EXOC4: variants seen among roughly 807,000 people sequenced by gnomAD.
The protein encoded by EXOC4 is exocyst complex component 4, also known as SEC8-like 1.
Under a neutral mutation model 107.2 loss-of-function variants are expected in EXOC4, and 71 were observed. That is an observed-to-expected ratio of 0.66 (90% CI 0.55 to 0.81). The LOEUF (loss-of-function observed/expected upper bound fraction) is 0.81, where lower values mean the gene tolerates loss of function less well. Among genes scored for constraint, EXOC4 ranks in the 30% least tolerant of loss-of-function variants. The probability of loss-of-function intolerance (pLI) is 0.00; values close to 1 mark genes in which losing one functional copy is unlikely to be tolerated. For missense variants in EXOC4, 1,108 were observed against 1,189.6 expected (o/e 0.93, Z 1.01); for synonymous variants, 456 against 441.2 (o/e 1.03, Z -0.42).
At chr7:133,644,038 G>A (rs895852153) in intron 10 of EXOC4, among the ~76,000 whole-genome samples, 9 of 152,170 alleles carry the variant, frequency 5.9e-5, no homozygotes, top group East Asian at 1.9e-4. Flanking sequence ...CCGGCCTCCC[G>A]TTCATTCAAG....
chr7:133,288,968 G>A lies in EXOC4; in HGVS notation c.323G>A (p.Arg108Gln), dbSNP rs1250273700. The A allele has an allele frequency of 3.7e-6, 6 of 1,614,046 alleles. No homozygotes were observed. The highest frequency in any genetic ancestry group is 1.7e-5 in the Admixed American group (1 of 60,012). Residue 108 changes from arginine (R) to glutamine (Q), a missense_variant, in exon 3 of 18, where the codon CGG becomes CAG. Transcript: ENST00000253861. ...TGCAAGATGCTGCTGCACTGCAAACGGGATGAGCTTCGGAAACTGTGGATT... is the reference window on the plus strand; with the variant it reads ...TGCAAGATGCTGCTGCACTGCAAACAGGATGAGCTTCGGAAACTGTGGATT... ...LSCKMLLHCK[R>Q]DELRKLWIEG...
chr7:133,501,918 C>T (rs958685251), intron 9 of EXOC4, among the ~76,000 whole-genome samples: 3 of 152,160 alleles, frequency 2.0e-5, no homozygotes, highest in African/African-American at 7.2e-5. Flanking sequence ...GGATTAGCTG[C>T]ACTGTCTCTT....
At chr7:133,895,789 C>T (rs1799293896) in intron 12 of EXOC4, 54 bp downstream of exon 12, 7 of 1,575,200 alleles carry the variant, frequency 4.4e-6, no homozygotes, top group Non-Finnish European at 6.0e-6. Flanking sequence ...GATGGTGGTT[C>T]CAATTGGTGA....
intron 10 of EXOC4, among the ~76,000 whole-genome samples, chr7:133,750,062 A>G (rs1452946179): frequency 6.7e-6 from 1 of 149,574 alleles, no homozygotes; most frequent in Admixed American, 6.8e-5. Flanking sequence ...TAAATTTAGC[A>G]GAAGTGAAGG....
intron 7 of EXOC4, among the ~76,000 whole-genome samples, chr7:133,460,257 G>A (rs1177267712): frequency 6.6e-6 from 1 of 152,178 alleles, no homozygotes; most frequent in Non-Finnish European, 1.5e-5. Context: ...TAATGCTGCT[G>A]ACGGGAGGTG....
chr7:133,714,566 T>G (rs1178132370), intron 10 of EXOC4, among the ~76,000 whole-genome samples: 2 of 152,308 alleles, frequency 1.3e-5, no homozygotes, highest in South Asian at 2.1e-4. Context: ...TATTCCTGGG[T>G]TTTGCATCCA....
intron 10 of EXOC4, among the ~76,000 whole-genome samples, chr7:133,721,078 A>G (rs190834388): frequency 6.6e-6 from 1 of 152,304 alleles, no homozygotes; most frequent in African/African-American, 2.4e-5. Context: ...AGAACTTGAA[A>G]TTCAGAGAAC....
At chr7:133,630,258 C>T in intron 10 of EXOC4, 117 bp downstream of exon 10, 1 of 715,920 alleles carries the variant, frequency 1.4e-6, no homozygotes, top group Non-Finnish European at 2.4e-6. Flanking sequence ...AAATTTATTC[C>T]ATTTTTAGGG....
chr7:133,320,710 T>C (rs1249798202), intron 5 of EXOC4, among the ~76,000 whole-genome samples: 1 of 152,230 alleles, frequency 6.6e-6, no homozygotes. Context: ...GTGTAAAAAA[T>C]TTGACTTTCT....
At chr7:133,548,511 A>C (rs1355801357) in intron 9 of EXOC4, among the ~76,000 whole-genome samples, 1 of 152,178 alleles carries the variant, frequency 6.6e-6, no homozygotes, top group Admixed American at 6.5e-5. Flanking sequence ...TTTCATCTAC[A>C]CTGAAAATCT....
At chr7:133,287,006 C>T (rs1794294941) in intron 2 of EXOC4, among the ~76,000 whole-genome samples, 2 of 152,140 alleles carry the variant, frequency 1.3e-5, no homozygotes, top group Non-Finnish European at 2.9e-5. Context: ...GTACCCCTGC[C>T]ATTAGTATAC....
chr7:133,502,255 A>C (rs144343384), intron 9 of EXOC4, among the ~76,000 whole-genome samples: 4 of 152,134 alleles, frequency 2.6e-5, no homozygotes, highest in Non-Finnish European at 5.9e-5. Flanking sequence ...AGAACAAAAA[A>C]TCTGAAATGG....
intron 10 of EXOC4, among the ~76,000 whole-genome samples, chr7:133,690,728 A>T (rs2430771): frequency 6.6e-6 from 1 of 152,138 alleles, no homozygotes; most frequent in African/African-American, 2.4e-5. Flanking sequence ...ATTTACATAC[A>T]TGGGAGTTCA....
chr7:133,776,582 TTCTG>T (rs1433771676), intron 10 of EXOC4, among the ~76,000 whole-genome samples: 2 of 152,182 alleles, frequency 1.3e-5, no homozygotes, highest in Admixed American at 6.5e-5. Flanking sequence ...TCATTTACTC[TTCTG>T]TCTAATTTTT....
At chr7:133,595,510 T>A (rs1170151063) in intron 9 of EXOC4, among the ~76,000 whole-genome samples, 3 of 152,238 alleles carry the variant, frequency 2.0e-5, no homozygotes. Flanking sequence ...CTTATTTTGT[T>A]TTGTGTGTTT....
chr7:133,562,227 C>CA (rs1364575673), intron 9 of EXOC4, among the ~76,000 whole-genome samples: 2 of 152,148 alleles, frequency 1.3e-5, no homozygotes, highest in Non-Finnish European at 2.9e-5. Flanking sequence ...GTGAAGGGTG[C>CA]AGTTGCTTTT....
chr7:133,660,153 T>C (rs1219597896), intron 10 of EXOC4, among the ~76,000 whole-genome samples: 1 of 148,804 alleles, frequency 6.7e-6, no homozygotes, highest in Admixed American at 6.9e-5. Flanking sequence ...AAAAACGGAC[T>C]AGAACTTCTA....
At chr7:134,076,198 C>G in the EXOC4 span, among the ~76,000 whole-genome samples, 4 of 152,142 alleles carry the variant, frequency 2.6e-5, no homozygotes, top group Non-Finnish European at 5.9e-5. Context: ...AACAAGTCCT[C>G]AGTCAGTACA....
chr7:133,638,839 A>C lies in EXOC4; in HGVS notation c.1514+8698A>C, dbSNP rs180938416. On this transcript the variant is annotated intron_variant, in intron 10 of 17. Transcript: ENST00000253861. ...GTGATTTTGACCTAGATTTAAGCTGATATTTTAGATGCAGGTTTTCGTCTC... is the reference window on the plus strand; with the variant it reads ...GTGATTTTGACCTAGATTTAAGCTGCTATTTTAGATGCAGGTTTTCGTCTC... Among the ~76,000 whole-genome samples, 313 of 152,256 alleles carry C rather than the reference A, an allele frequency of 2.1e-3. No individual in the cohort carries two copies. In the Middle Eastern group the frequency reaches 0.031, roughly 15 times the overall value.
Sources: gnomAD v4.1 joint callset for allele counts (sites outside exome capture counted in the v4.1 genomes callset) on GRCh38, gnomAD v4.1.1 for gene constraint, MANE v1.5 for transcripts, NCBI Gene and HGNC (gene_info 2026-07-23, HGNC 2026-07-21) for gene names.